ULK4: variants seen among roughly 807,000 people sequenced by gnomAD.
ULK4 encodes unc-51 like kinase 4, also known as inactive serine/threonine-protein kinase ULK4.
Under a neutral mutation model 160.6 loss-of-function variants are expected in ULK4, and 133 were observed. The ratio of observed to expected loss-of-function variants is 0.83; its 90% CI spans 0.72 to 0.96. ULK4 has a LOEUF of 0.96. ULK4 is among the 40% of genes least tolerant of loss of function. The probability of loss-of-function intolerance (pLI) is 0.00; values close to 1 mark genes in which losing one functional copy is unlikely to be tolerated. For synonymous variants in ULK4, 534 were observed against 539.8 expected, an observed-to-expected ratio of 0.99 and a Z score of 0.15; for missense variants, 1,580 against 1,499.5, an observed-to-expected ratio of 1.05 and a Z score of -0.89.
At chr3:41,916,279 G>T (rs147995948) in intron 7 of ULK4, among the ~76,000 whole-genome samples, 129 of 152,220 alleles carry the variant, frequency 8.5e-4, no homozygotes, top group African/African-American at 3.0e-3. Context: ...TCACAAAAAA[G>T]AAATGTAAAT....
chr3:41,362,092 G>A (rs185220726), intron 35 of ULK4, among the ~76,000 whole-genome samples: 2 of 152,208 alleles, frequency 1.3e-5, no homozygotes, highest in Non-Finnish European at 2.9e-5. Flanking sequence ...AACCAGAAGA[G>A]CCCACTTTTC....
At chr3:41,442,622 G>A (rs1271365951) in intron 34 of ULK4, among the ~76,000 whole-genome samples, 3 of 151,998 alleles carry the variant, frequency 2.0e-5, no homozygotes, top group Non-Finnish European at 4.4e-5. Flanking sequence ...ATTAGAGACA[G>A]AGTCTCTGTC....
At chr3:41,655,390 G>A (rs575164568) in intron 30 of ULK4, among the ~76,000 whole-genome samples, 1 of 122,830 alleles carries the variant, frequency 8.1e-6, no homozygotes, top group African/African-American at 3.0e-5. Context: ...GGTGGGGGGA[G>A]GGGGGAGGGA....
At chr3:41,493,969 G>A (rs2084893463) in intron 32 of ULK4, among the ~76,000 whole-genome samples, 1 of 149,566 alleles carries the variant, frequency 6.7e-6, no homozygotes, top group Admixed American at 6.7e-5. Context: ...TCCAGGACCA[G>A]ATGGATTCAC....
Position 41,347,216 on chromosome 3 carries a change from A to G in ULK4, c.3678+50863T>C, listed in dbSNP as rs567189954. On this transcript the variant is annotated intron_variant, in intron 35 of 36. Coordinates refer to ENST00000301831, the MANE Select transcript of ULK4 (RefSeq NM_017886.4). ...AGCTTTAAAGTTTATTCCAATAATC[A>G]ACTCAGTCCAAAGTTAGACATGTGC... Among the ~76,000 whole-genome samples the G allele has an allele frequency of 1.0e-3, 155 of 152,350 alleles. 1 individual carries two copies. Among genetic ancestry groups the G allele is most frequent in the South Asian group, 2.1e-3 (10 of 4,832 alleles).
At chr3:41,555,677 C>T (rs1245337485) in intron 32 of ULK4, among the ~76,000 whole-genome samples, 1 of 152,134 alleles carries the variant, frequency 6.6e-6, no homozygotes, top group African/African-American at 2.4e-5. Context: ...GGGTAGACAA[C>T]CAAAGGAATA....
chr3:41,795,392 G>A (rs1225255707), intron 20 of ULK4, among the ~76,000 whole-genome samples: 2 of 152,100 alleles, frequency 1.3e-5, no homozygotes, highest in African/African-American at 2.4e-5. Flanking sequence ...AAAGAGGGGA[G>A]TTTAATCTTA....
At chr3:41,427,448 C>G (rs1030089951) in intron 34 of ULK4, among the ~76,000 whole-genome samples, 15 of 152,148 alleles carry the variant, frequency 9.9e-5, no homozygotes, top group Admixed American at 9.2e-4. Flanking sequence ...GATACCAAAA[C>G]CTGGCAGAGA....
intron 30 of ULK4, among the ~76,000 whole-genome samples, chr3:41,645,481 G>A (rs971628538): frequency 6.6e-6 from 1 of 151,676 alleles, no homozygotes; most frequent in Non-Finnish European, 1.5e-5. Flanking sequence ...AGGTTGTTCA[G>A]TTCCATGTAG....
At chr3:41,376,846 A>C (rs1417002006) in intron 35 of ULK4, among the ~76,000 whole-genome samples, 2 of 149,982 alleles carry the variant, frequency 1.3e-5, no homozygotes, top group African/African-American at 2.5e-5. Flanking sequence ...GCTACCAATG[A>C]CTTTCTTCAC....
chr3:41,522,116 TTTTC>T (rs1342235903), intron 32 of ULK4, among the ~76,000 whole-genome samples: 2 of 133,814 alleles, frequency 1.5e-5, no homozygotes, highest in African/African-American at 5.8e-5. Context: ...GTTAAATGTT[TTTTC>T]TTTTTTTTCT....
chr3:41,707,685 C>T (rs1231541593), intron 25 of ULK4, among the ~76,000 whole-genome samples: 1 of 151,916 alleles, frequency 6.6e-6, no homozygotes, highest in Non-Finnish European at 1.5e-5. Context: ...AAAAAATTAG[C>T]CAAGCATGGT....
chr3:41,757,564 G>A (rs1290450524), intron 21 of ULK4, among the ~76,000 whole-genome samples: 8 of 149,842 alleles, frequency 5.3e-5, no homozygotes, highest in Non-Finnish European at 7.4e-5. Flanking sequence ...CCCAGGAGGC[G>A]GAGCTTTCAG....
intron 25 of ULK4, among the ~76,000 whole-genome samples, chr3:41,713,923 A>T (rs2037181045): frequency 6.6e-6 from 1 of 152,114 alleles, no homozygotes; most frequent in Admixed American, 6.5e-5. Flanking sequence ...CTACACATGA[A>T]AAAAAAAGAC....
At chr3:41,577,217 C>T (rs1009019239) in intron 31 of ULK4, among the ~76,000 whole-genome samples, 6 of 152,146 alleles carry the variant, frequency 3.9e-5, no homozygotes, top group African/African-American at 1.4e-4. Flanking sequence ...GGGCCAAGCC[C>T]AGTTCTAAGC....
At chr3:41,607,233 G>A (rs1010836251) in intron 31 of ULK4, among the ~76,000 whole-genome samples, 3 of 152,094 alleles carry the variant, frequency 2.0e-5, no homozygotes, top group African/African-American at 7.2e-5. Flanking sequence ...TAGGGGAAGG[G>A]ATAAGGTGTA....
At chr3:41,687,947 C>G (rs1215491538) in intron 27 of ULK4, 1 of 152,234 alleles carries the variant, frequency 6.6e-6, no homozygotes, top group Non-Finnish European at 1.5e-5. Flanking sequence ...TGGGTGGACT[C>G]TCAACCCGAA....
intron 12 of ULK4, among the ~76,000 whole-genome samples, chr3:41,906,866 G>A (rs962064823): frequency 2.0e-5 from 3 of 152,090 alleles, no homozygotes; most frequent in African/African-American, 4.8e-5. Context: ...GGTGACGCAC[G>A]ACTGTAGTCC....
chr3:41,325,840 A>T (rs920503018), intron 35 of ULK4, among the ~76,000 whole-genome samples: 56 of 152,014 alleles, frequency 3.7e-4, no homozygotes, highest in African/African-American at 1.3e-3. Context: ...AATTGCTAGA[A>T]CCAGGGAGGT....
Sources: allele counts gnomAD v4.1 joint callset (sites outside exome capture counted in the v4.1 genomes callset), GRCh38; gene constraint gnomAD v4.1.1; transcripts MANE v1.5; gene names NCBI Gene and HGNC (gene_info 2026-07-23, HGNC 2026-07-21).